TBXAS1: variants seen among roughly 807,000 people sequenced by gnomAD.
The protein encoded by TBXAS1 is thromboxane-A synthase.
Under a neutral mutation model 60.7 loss-of-function variants are expected in TBXAS1, and 48 were observed. The observed-to-expected ratio is 0.79, with a 90% CI of 0.63 to 1.01. The LOEUF is 1.01. Among genes scored for constraint, TBXAS1 ranks in the 50% least tolerant of loss-of-function variants. The pLI is 0.00. For synonymous variants in TBXAS1, 287 were observed against 269.7 expected (o/e 1.06, Z -0.63); for missense variants, 685 against 686.3 (o/e 1.00, Z 0.02).
At chr7:139,920,019 T>C (rs1318782708) in intron 4 of TBXAS1, among the ~76,000 whole-genome samples, 9 of 152,204 alleles carry the variant, frequency 5.9e-5, no homozygotes, top group African/African-American at 1.2e-4. Flanking sequence ...ACAGACACCA[T>C]TCAGAGCAGA....
intron 1 of TBXAS1, among the ~76,000 whole-genome samples, chr7:139,859,441 C>T (rs1003442727): frequency 2.8e-5 from 4 of 141,762 alleles, no homozygotes; most frequent in South Asian, 2.3e-4. Context: ...CTTCTTACCT[C>T]GTGATCCGCC....
intron 9 of TBXAS1, among the ~76,000 whole-genome samples, chr7:139,988,241 G>A (rs906773811): frequency 9.2e-5 from 14 of 152,196 alleles, no homozygotes; most frequent in African/African-American, 1.7e-4. Context: ...TGAAGACAAC[G>A]GAAGCTCAGG....
chr7:139,937,722 A>G (rs1169132767), intron 5 of TBXAS1, among the ~76,000 whole-genome samples: 2 of 152,220 alleles, frequency 1.3e-5, no homozygotes, highest in African/African-American at 4.8e-5. Flanking sequence ...GAGATTAAGT[A>G]GCGTGCTCCA....
At chr7:139,940,024 C>T (rs1188810626) in intron 5 of TBXAS1, among the ~76,000 whole-genome samples, 2 of 152,220 alleles carry the variant, frequency 1.3e-5, no homozygotes, top group Non-Finnish European at 2.9e-5. Context: ...GTGGGTGCTC[C>T]TGAAGGTGCC....
chr7:139,917,811 G>C (rs890812661), intron 4 of TBXAS1, among the ~76,000 whole-genome samples: 2 of 152,102 alleles, frequency 1.3e-5, no homozygotes, highest in African/African-American at 4.8e-5. Context: ...CTAGACTCTT[G>C]GTTCAGCAGG....
chr7:139,939,896 C>T (rs948473484), intron 5 of TBXAS1, among the ~76,000 whole-genome samples: 7 of 152,068 alleles, frequency 4.6e-5, no homozygotes, highest in Admixed American at 3.3e-4. Context: ...AACACGAGGA[C>T]GAAAAAGTGC....
intron 1 of TBXAS1, among the ~76,000 whole-genome samples, chr7:139,843,539 C>T (rs1799608278): frequency 1.3e-5 from 2 of 152,078 alleles, no homozygotes; most frequent in Non-Finnish European, 2.9e-5. Context: ...GGTGGGGTTT[C>T]ATCATGTTGG....
rs1414369651 is a variant in TBXAS1 at position 139,905,053 on chromosome 7, TTCTTTCTC to T, written c.237-6168_237-6161del. On this transcript the variant is annotated intron_variant, in intron 3 of 12. Transcript: ENST00000448866. ...TTTCTTTCTTTCTTTCTTTCTTTCT[TTCTTTCTC>T]TCTCTCTCTCTCTCTTTCTCTTTCT... Among the ~76,000 whole-genome samples the T allele has an allele frequency of 1.2e-4, 11 of 93,270 alleles. No homozygotes were observed. The East Asian group carries it at 1.8e-3, about 15-fold the overall frequency. 61.2% of individuals were successfully genotyped at this position (93,270 alleles called of 152,430 possible).
intron 4 of TBXAS1, among the ~76,000 whole-genome samples, chr7:139,926,872 C>A (rs1041288756): frequency 2.0e-5 from 3 of 152,030 alleles, no homozygotes; most frequent in Non-Finnish European, 4.4e-5. Context: ...CTCTTAATCT[C>A]TTCATTGGCA....
chr7:139,838,293 C>A (rs2116548077), intron 1 of TBXAS1, among the ~76,000 whole-genome samples: 1 of 152,328 alleles, frequency 6.6e-6, no homozygotes. Context: ...TGAGGAGCCC[C>A]CTCTCAGCAT....
At chr7:139,974,243 A>C (rs1811408667) in intron 9 of TBXAS1, among the ~76,000 whole-genome samples, 1 of 152,120 alleles carries the variant, frequency 6.6e-6, no homozygotes, top group Admixed American at 6.5e-5. Flanking sequence ...GCATAGCTAG[A>C]TATCCCGGCC....
intron 9 of TBXAS1, among the ~76,000 whole-genome samples, chr7:139,996,214 A>C (rs1585029267): frequency 1.3e-5 from 2 of 149,252 alleles, no homozygotes; most frequent in East Asian, 2.0e-4. Context: ...CAATCCTGCC[A>C]CCTCAGCCTC....
Position 139,986,831 on chromosome 7 carries a change from T to G in TBXAS1, c.1135-20260T>G, listed in dbSNP as rs993963671. Among the ~76,000 whole-genome samples the G allele has an allele frequency of 7.0e-5, 10 of 142,954 alleles. 1 individual carries two copies. The highest frequency in any genetic ancestry group is 7.0e-3 in the Middle Eastern group (2 of 284). The allele number at this position is 142,954 out of a possible 152,430, so 93.8% of individuals were successfully genotyped here. On this transcript the variant is annotated intron_variant, in intron 9 of 12. Transcript: ENST00000448866. ...TATATATATATACACCATAGTTTCT[T>G]TATCCACTAGTTGATGGGCATTTGG...
At chr7:139,993,986 T>C (rs1813121331) in intron 9 of TBXAS1, among the ~76,000 whole-genome samples, 1 of 149,450 alleles carries the variant, frequency 6.7e-6, no homozygotes, top group Admixed American at 6.8e-5. Context: ...CAGGTTCAAG[T>C]GATTCTCCTG....
At chr7:139,805,014 C>T (rs888054880) in intron 4 of TBXAS1, among the ~76,000 whole-genome samples, 1 of 152,208 alleles carries the variant, frequency 6.6e-6, no homozygotes, top group African/African-American at 2.4e-5. Context: ...TACCTGAAGT[C>T]AATTAGAATA....
chr7:140,010,278 T>C lies in TBXAS1; in HGVS notation c.1226+3096T>C, dbSNP rs187911483. Among the ~76,000 whole-genome samples the C allele has an allele frequency of 3.9e-5, 6 of 152,308 alleles. No individual in the cohort carries two copies. The East Asian group carries it at 1.2e-3, about 29-fold the overall frequency. On this transcript the variant is annotated intron_variant, in intron 10 of 12. Transcript: ENST00000448866. ...TGAATGTAGGGAGAGTGAGCATTTT[T>C]ATTTTATTATTTTATTTCATCTCAA...
chr7:139,941,085 C>T lies in TBXAS1; in HGVS notation c.450+4778C>T, dbSNP rs200639320. On this transcript the variant is annotated intron_variant, in intron 5 of 12. Coordinates refer to ENST00000448866, the MANE Select transcript of TBXAS1 (RefSeq NM_001061.7). ...TCAGAGACTCTGAGCCACAGATACT[C>T]GGCTGTGGGTATCTGAGTCAGTTTT... Among the ~76,000 whole-genome samples, 36 of 152,324 alleles carry T rather than the reference C, an allele frequency of 2.4e-4. No homozygotes were observed. In the East Asian group the frequency reaches 6.4e-3, roughly 27 times the overall value.
chr7:139,946,356 G>A (rs1360720851), intron 5 of TBXAS1, among the ~76,000 whole-genome samples: 1 of 152,118 alleles, frequency 6.6e-6, no homozygotes, highest in Non-Finnish European at 1.5e-5. Context: ...AAAGAAAAGA[G>A]GCCAGGAAGC....
At chr7:139,855,875 G>C (rs80350582) in intron 1 of TBXAS1, among the ~76,000 whole-genome samples, 7,276 of 152,186 alleles carry the variant, frequency 0.048, 433 homozygotes, top group African/African-American at 0.15. Flanking sequence ...GCCTTCACTA[G>C]CCTCCATTTT....
Sources: gnomAD v4.1 joint callset for allele counts (sites outside exome capture counted in the v4.1 genomes callset) on GRCh38, gnomAD v4.1.1 for gene constraint, MANE v1.5 for transcripts, NCBI Gene and HGNC (gene_info 2026-07-23, HGNC 2026-07-21) for gene names.